Variants in MACC1 observed in about 807,000 individuals in gnomAD.
The protein encoded by MACC1 is metastasis-associated in colon cancer protein 1.
In MACC1, 79 loss-of-function variants were observed where a neutral mutation model predicts 70.7. The observed-to-expected ratio is 1.12, with a 90% CI of 0.93 to 1.35. The LOEUF (loss-of-function observed/expected upper bound fraction) is 1.35. Ranked by LOEUF, MACC1 falls within the 40% of genes most tolerant of loss-of-function variation. The probability of loss-of-function intolerance (pLI) is 0.00; values close to 1 mark genes in which losing one functional copy is unlikely to be tolerated. For synonymous variants in MACC1, 361 were observed against 347.2 expected (o/e 1.04, Z -0.44); for missense variants, 1,106 against 978.1 (o/e 1.13, Z -1.74).
intron 6 of MACC1, among the ~76,000 whole-genome samples, chr7:20,146,621 A>G (rs961893738): frequency 2.0e-5 from 3 of 152,218 alleles, no homozygotes; most frequent in Non-Finnish European, 4.4e-5. Flanking sequence ...GACAGCCAAG[A>G]TCTCTTCCAG....
intron 1 of MACC1, among the ~76,000 whole-genome samples, chr7:20,211,325 C>T (rs185049916): frequency 6.6e-6 from 1 of 151,978 alleles, no homozygotes; most frequent in African/African-American, 2.4e-5. Flanking sequence ...TCAGTTGGTA[C>T]TAATAGTTAC....
In MACC1 at chr7:20,158,449, G is replaced by A. The variant is rs1782087109; in HGVS notation, c.1912C>T (p.Gln638Ter). 2.5e-6 allele frequency: 4 copies of A among 1,613,922 alleles called. No homozygotes were observed. The highest frequency in any genetic ancestry group is 1.3e-5 in the African/African-American group (1 of 75,038). The change falls in exon 5 of 7, where the codon CAG becomes TAG. Residue 638 changes from glutamine (Q) to a stop codon, truncating the protein, a stop_gained. Transcript: ENST00000400331. LOFTEE classifies it high-confidence loss of function. Reference sequence around the variant, plus strand: ...AATTTTTTTAAAGGCAGGACAATCTGTTCAAGAAGATTTCTGGTTGTAAAG... The same window carrying A: ...AATTTTTTTAAAGGCAGGACAATCTATTCAAGAAGATTTCTGGTTGTAAAG... Reference protein sequence around the residue: ...SVFTTRNLLEQIVLPLKKLTY... With the variant: ...SVFTTRNLLE
At chr7:20,204,628 C>T (rs1484045256) in intron 1 of MACC1, among the ~76,000 whole-genome samples, 2 of 152,112 alleles carry the variant, frequency 1.3e-5, no homozygotes, top group African/African-American at 4.8e-5. Context: ...GAATGAAACA[C>T]CAATGATCGA....
At chr7:20,192,484 C>T (rs1782687880) in intron 1 of MACC1, among the ~76,000 whole-genome samples, 1 of 152,260 alleles carries the variant, frequency 6.6e-6, no homozygotes, top group East Asian at 1.9e-4. Context: ...CCCAGCTAAG[C>T]CCTGACTTCT....
chr7:20,143,787 A>T (rs1192233985), intron 6 of MACC1, among the ~76,000 whole-genome samples: 1 of 152,146 alleles, frequency 6.6e-6, no homozygotes, highest in East Asian at 1.9e-4. Flanking sequence ...CCTAATTAAG[A>T]TTTTTGAAGG....
At chr7:20,191,837 C>T (rs1422463661) in intron 1 of MACC1, among the ~76,000 whole-genome samples, 2 of 152,166 alleles carry the variant, frequency 1.3e-5, no homozygotes, top group Non-Finnish European at 1.5e-5. Context: ...CAGAAATCGA[C>T]GCTGAAGGCA....
intron 1 of MACC1, among the ~76,000 whole-genome samples, chr7:20,174,284 A>G (rs1038906278): frequency 6.6e-6 from 1 of 152,180 alleles, no homozygotes; most frequent in Admixed American, 6.5e-5. Context: ...TTCCCCAATC[A>G]GCATCTGGCA....
At chr7:20,196,277 T>TTC (rs1244395835) in intron 1 of MACC1, among the ~76,000 whole-genome samples, 1 of 152,132 alleles carries the variant, frequency 6.6e-6, no homozygotes, top group Non-Finnish European at 1.5e-5. Context: ...GCCTCCTGGG[T>TTC]TCACGCCATT....
chr7:20,161,792 A>G lies in MACC1; in HGVS notation c.71T>C (p.Ile24Thr). 1 of 1,612,596 alleles carries G rather than the reference A, an allele frequency of 6.2e-7. No individual in the cohort carries two copies. Among genetic ancestry groups the G allele is most frequent in the Non-Finnish European group, 8.5e-7 (1 of 1,178,960 alleles). Residue 24 changes from isoleucine (I) to threonine (T), a missense_variant, in exon 4 of 7, where the codon ATT becomes ACT. By Grantham distance (89) the Ile-to-Thr change is moderately conservative. Transcript: ENST00000400331. ...TGAGAGTTTTCCAGCTTCCATGTCA[A>G]TCAAATTTGCTTCAGACATACTTTG... ...IAQSMSEANLIDMEAGKLSKS... is the reference protein window; with the variant it reads ...IAQSMSEANLTDMEAGKLSKS...
chr7:20,192,379 T>C (rs1782686249), intron 1 of MACC1, among the ~76,000 whole-genome samples: 1 of 152,162 alleles, frequency 6.6e-6, no homozygotes, highest in Admixed American at 6.5e-5. Context: ...TAATAAGATA[T>C]AGGAAAACCG....
intron 1 of MACC1, among the ~76,000 whole-genome samples, chr7:20,186,685 AC>A (rs1489770065): frequency 6.6e-6 from 1 of 152,132 alleles, no homozygotes; most frequent in African/African-American, 2.4e-5. Context: ...GGAAGAATGA[AC>A]TTATAAAAGA....
At position 20,206,041 on chromosome 7, in the gene MACC1, G is replaced by C. The variant is rs186139483; in HGVS notation, c.-218+11258C>G. 7.2e-5 allele frequency among the ~76,000 whole-genome samples: 11 copies of C among 151,866 alleles called. No homozygotes were observed. In the Middle Eastern group the frequency reaches 0.014, roughly 189 times the overall value. On this transcript the variant is annotated intron_variant, in intron 1 of 6. Transcript: ENST00000400331. ...TCTGTTGTTTCAGATGAAAATATTA[G>C]AGCCCTCTTGAACTCCATCGTCTTT...
chr7:20,201,381 G>T (rs767057649), intron 1 of MACC1, among the ~76,000 whole-genome samples: 4 of 152,154 alleles, frequency 2.6e-5, no homozygotes, highest in Non-Finnish European at 4.4e-5. Flanking sequence ...ATCCACAATG[G>T]TGTAAAAACA....
At chr7:20,193,578 C>A (rs758504837) in intron 1 of MACC1, among the ~76,000 whole-genome samples, 15 of 152,110 alleles carry the variant, frequency 9.9e-5, no homozygotes, top group Non-Finnish European at 2.1e-4. Flanking sequence ...CAAGCTTTTT[C>A]AGAATTCAGC....
rs199898520 is a variant in MACC1 at position 20,158,820 on chromosome 7, A to C, written c.1541T>G (p.Leu514Arg). Residue 514 changes from leucine (L) to arginine (R), a missense_variant, in exon 5 of 7, where the codon CTC becomes CGC. Physicochemically the swap from Leu to Arg is moderately radical, Grantham distance 102 (BLOSUM62 -2). Transcript: ENST00000400331. The stretch of plus-strand genomic sequence containing the variant: ...CTGCAAATAGCCTGGCAGATTCGAG[A>C]GTCTTTTTAGGTTTGGGGTTGGATC... The part of the protein sequence containing the change: ...TPDPTPNLKR[L>R]SNLPGYLQKK... The C allele has an allele frequency of 3.4e-5, 55 of 1,614,080 alleles. No homozygotes were observed. In the African/African-American group the frequency reaches 6.7e-4, roughly 20 times the overall value.
chr7:20,166,557 A>G (rs951935054), intron 2 of MACC1, among the ~76,000 whole-genome samples: 8 of 152,302 alleles, frequency 5.3e-5, no homozygotes, highest in Admixed American at 3.3e-4. Context: ...AAATACTTCA[A>G]GTGTTGCAGC....
rs1782156220 is a variant in MACC1 at position 20,162,681 on chromosome 7, A to G, written c.-8-811T>C. On this transcript the variant is annotated intron_variant, in intron 3 of 6. Transcript: ENST00000400331. ...AGGTGGCCAAACAGAGTGGTGTGGA[A>G]ATGGTGGATTATTCATTAAACAGTG... is the stretch of plus-strand genomic sequence containing the variant. Among the ~76,000 whole-genome samples, 7 of 152,146 alleles carry G rather than the reference A, an allele frequency of 4.6e-5. No homozygotes were observed. In the South Asian group the frequency reaches 1.2e-3, roughly 27 times the overall value.
rs967828061 is a variant in MACC1 at position 20,140,740 on chromosome 7, A to G, written c.*206T>C. 2.3e-5 allele frequency: 10 copies of G among 425,860 alleles called. No individual in the cohort carries two copies. In the Admixed American group the frequency reaches 3.0e-4, roughly 13 times the overall value. 26.4% of individuals were successfully genotyped at this position (425,860 alleles called of 1,614,324 possible). A position where few individuals can be genotyped will look rare whatever the true frequency, so the allele number is the denominator to read the frequency against. On this transcript the variant is annotated 3_prime_UTR_variant, in exon 7 of 7. Transcript: ENST00000400331. ...GTTAGGCTGTGCTTTCATCAGGAAAAAAAAACTGGTTTTGAGCATGAAGAA... is the reference window on the plus strand; with the variant it reads ...GTTAGGCTGTGCTTTCATCAGGAAAGAAAAACTGGTTTTGAGCATGAAGAA...
intron 1 of MACC1, among the ~76,000 whole-genome samples, chr7:20,177,550 A>T (rs1310189462): frequency 6.6e-6 from 1 of 151,976 alleles, no homozygotes; most frequent in Admixed American, 6.6e-5. Context: ...GTTTCTCTTT[A>T]TCCCTATAAG....
Sources: gnomAD v4.1 joint callset for allele counts (sites outside exome capture counted in the v4.1 genomes callset) on GRCh38, gnomAD v4.1.1 for gene constraint, MANE v1.5 for transcripts, NCBI Gene and HGNC (gene_info 2026-07-23, HGNC 2026-07-21) for gene names.